The following LRRC7 variants were observed in gnomAD, a reference collection of about 807,000 sequenced individuals.
LRRC7 encodes leucine-rich repeat-containing protein 7.
In LRRC7, 23 loss-of-function variants were observed where a neutral mutation model predicts 175.7. The ratio of observed to expected loss-of-function variants is 0.13; its 90% CI spans 0.09 to 0.19. The LOEUF is 0.19. Among genes scored for constraint, LRRC7 ranks in the 10% least tolerant of loss-of-function variants. The probability of loss-of-function intolerance (pLI) is 1.00; values close to 1 mark genes in which losing one functional copy is unlikely to be tolerated. For missense variants in LRRC7, 1,354 were observed against 1,904.7 expected, an observed-to-expected ratio of 0.71 and a Z score of 5.38; for synonymous variants, 685 against 680.9, an observed-to-expected ratio of 1.01 and a Z score of -0.09.
intron 2 of LRRC7, among the ~76,000 whole-genome samples, chr1:69,713,786 G>A (rs1445440838): frequency 2.0e-5 from 3 of 151,304 alleles, no homozygotes; most frequent in Non-Finnish European, 2.9e-5. Context: ...GAATTCTGGG[G>A]AATAGAGATA....
chr1:70,073,702 A>G (rs1160287388), intron 23 of LRRC7, among the ~76,000 whole-genome samples: 1 of 152,228 alleles, frequency 6.6e-6, no homozygotes, highest in African/African-American at 2.4e-5. Flanking sequence ...TTAAACTGCC[A>G]GTTGTCACTT....
chr1:70,109,095 C>G (rs1209586192), intron 26 of LRRC7, among the ~76,000 whole-genome samples: 1 of 152,154 alleles, frequency 6.6e-6, no homozygotes, highest in Admixed American at 6.5e-5. Context: ...GATCTCGGCT[C>G]ACCACAACCT....
rs572141783 is a variant in LRRC7, at chr1:69,831,129, G to T, written c.501-3651G>T. On this transcript the variant is annotated intron_variant, in intron 5 of 26. Transcript: ENST00000651989. ...GTTTTGATATATAGGAAAAATATCTGTCCCTACCAATAGAAAATTAGTATT... is the reference window on the plus strand; with the variant it reads ...GTTTTGATATATAGGAAAAATATCTTTCCCTACCAATAGAAAATTAGTATT... Among the ~76,000 whole-genome samples, 27 of 151,970 alleles carry T rather than the reference G, an allele frequency of 1.8e-4. No homozygotes were observed. In the East Asian group the frequency reaches 4.8e-3, roughly 27 times the overall value.
chr1:69,572,488 A>G (rs1339877723), intron 1 of LRRC7, among the ~76,000 whole-genome samples: 3 of 152,180 alleles, frequency 2.0e-5, no homozygotes, highest in East Asian at 3.8e-4. Context: ...AAGTGGCACT[A>G]TAAATCAACA....
At chr1:69,840,553 T>C (rs1040705150) in intron 7 of LRRC7, among the ~76,000 whole-genome samples, 3 of 152,068 alleles carry the variant, frequency 2.0e-5, no homozygotes, top group Non-Finnish European at 2.9e-5. Flanking sequence ...TGTGATTGTG[T>C]GCAAGAATCA....
chr1:69,908,005 G>A (rs543478782), intron 7 of LRRC7, among the ~76,000 whole-genome samples: 10 of 152,200 alleles, frequency 6.6e-5, no homozygotes, highest in Non-Finnish European at 1.3e-4. Flanking sequence ...TGTATGTGTC[G>A]AGGAATTTAC....
At chr1:69,657,855 C>G (rs1246608961) in intron 1 of LRRC7, among the ~76,000 whole-genome samples, 1 of 151,832 alleles carries the variant, frequency 6.6e-6, no homozygotes, top group Non-Finnish European at 1.5e-5. Context: ...CTTATTTATC[C>G]TCTGTGCTTT....
At chr1:69,686,516 T>C (rs923110817) in intron 2 of LRRC7, among the ~76,000 whole-genome samples, 33 of 152,162 alleles carry the variant, frequency 2.2e-4, no homozygotes, top group Admixed American at 4.6e-4. Flanking sequence ...CTTGAAATGG[T>C]ATAACACTGA....
intron 7 of LRRC7, among the ~76,000 whole-genome samples, chr1:69,843,907 A>G (rs1428670626): frequency 6.6e-6 from 1 of 152,094 alleles, no homozygotes; most frequent in African/African-American, 2.4e-5. Flanking sequence ...TATAGAGGAC[A>G]TTTTTGAGAC....
intron 1 of LRRC7, among the ~76,000 whole-genome samples, chr1:69,585,129 C>A (rs1218798403): frequency 6.6e-6 from 1 of 152,108 alleles, no homozygotes; most frequent in African/African-American, 2.4e-5. Context: ...ATTTACAAAA[C>A]TACTTCAAAA....
intron 6 of LRRC7, among the ~76,000 whole-genome samples, chr1:69,836,924 A>G (rs573034064): frequency 1.3e-5 from 2 of 152,008 alleles, no homozygotes; most frequent in East Asian, 1.9e-4. Context: ...ACCTAAAAAT[A>G]CAGTAAATAT....
chr1:70,061,490 A>G (rs1263803539), intron 23 of LRRC7, among the ~76,000 whole-genome samples: 2 of 152,176 alleles, frequency 1.3e-5, no homozygotes, highest in African/African-American at 4.8e-5. Flanking sequence ...AAGAGACAGC[A>G]GCCAAATGCA....
chr1:70,009,421 C>T (rs1226650954), intron 11 of LRRC7, among the ~76,000 whole-genome samples: 2 of 150,572 alleles, frequency 1.3e-5, no homozygotes, highest in Admixed American at 6.6e-5. Flanking sequence ...ATTCCTGCCC[C>T]CACAAACACA....
chr1:69,976,752 C>T (rs1194308689), intron 8 of LRRC7, among the ~76,000 whole-genome samples: 1 of 152,174 alleles, frequency 6.6e-6, no homozygotes, highest in Non-Finnish European at 1.5e-5. Context: ...GTTGCTCTTC[C>T]TGTTTTCAGC....
chr1:69,757,753 C>A (rs1264197367), intron 2 of LRRC7, among the ~76,000 whole-genome samples: 6 of 151,836 alleles, frequency 4.0e-5, no homozygotes, highest in African/African-American at 9.7e-5. Flanking sequence ...AGACGCTGGG[C>A]AACAAGAAGC....
chr1:70,075,936 T>C, intron 23 of LRRC7, 141 bp from the exon 24 acceptor site: 1 of 796,180 alleles, frequency 1.3e-6, no homozygotes, highest in Non-Finnish European at 2.0e-6. Flanking sequence ...ACCCTTACTG[T>C]TTCTTCATTA....
intron 21 of LRRC7, 134 bp downstream of exon 21, chr1:70,039,927 T>C (rs767877037): frequency 1.7e-6 from 2 of 1,206,092 alleles, no homozygotes; most frequent in Non-Finnish European, 2.3e-6. Context: ...ATCTTTATAT[T>C]GTGGGGAAAA....
intron 7 of LRRC7, among the ~76,000 whole-genome samples, chr1:69,899,243 C>T (rs1268708040): frequency 6.6e-6 from 1 of 152,072 alleles, no homozygotes; most frequent in African/African-American, 2.4e-5. Flanking sequence ...CACAAAAAAT[C>T]GTCAATCATT....
intron 22 of LRRC7, among the ~76,000 whole-genome samples, chr1:70,047,973 A>T (rs1496240): frequency 0.12 from 18,729 of 151,914 alleles, 1,559 homozygotes; most frequent in Non-Finnish European, 0.18. Flanking sequence ...TTGATTTTTT[A>T]TTCATTCATT....
Sources: allele counts gnomAD v4.1 joint callset (sites outside exome capture counted in the v4.1 genomes callset), GRCh38; gene constraint gnomAD v4.1.1; transcripts MANE v1.5; gene names NCBI Gene and HGNC (gene_info 2026-07-23, HGNC 2026-07-21).